KCNH7: variants seen among roughly 807,000 people sequenced by gnomAD.
KCNH7 encodes potassium voltage-gated channel subfamily H member 7.
Under a neutral mutation model 120.8 loss-of-function variants are expected in KCNH7, and 49 were observed. The ratio of observed to expected loss-of-function variants is 0.41; its 90% confidence interval spans 0.32 to 0.51. The LOEUF (loss-of-function observed/expected upper bound fraction) is 0.51, where lower values mean the gene tolerates loss of function less well. KCNH7 is among the 20% of genes least tolerant of loss of function. The pLI, the probability that KCNH7 is intolerant of heterozygous loss-of-function variation, is 0.38. For missense variants in KCNH7, 1,097 were observed against 1,446.6 expected (o/e 0.76, Z 3.92); for synonymous variants, 547 against 516.1 (o/e 1.06, Z -0.81).
At chr2:162,691,770 ACTT>A (rs1370371105) in intron 2 of KCNH7, among the ~76,000 whole-genome samples, 2 of 152,176 alleles carry the variant, frequency 1.3e-5, no homozygotes, top group Admixed American at 6.6e-5. Flanking sequence ...AACCAAGACT[ACTT>A]GCACATAATT....
intron 2 of KCNH7, among the ~76,000 whole-genome samples, chr2:162,708,386 T>C (rs1686793573): frequency 6.6e-6 from 1 of 152,010 alleles, no homozygotes; most frequent in African/African-American, 2.4e-5. Flanking sequence ...GAAAAAAGAA[T>C]TTTTAAAAAT....
intron 2 of KCNH7, among the ~76,000 whole-genome samples, chr2:162,727,519 T>C (rs936455053): frequency 1.3e-5 from 2 of 152,166 alleles, no homozygotes; most frequent in Admixed American, 1.3e-4. Flanking sequence ...CAGACGTTCA[T>C]TGATGTACTT....
intron 6 of KCNH7, among the ~76,000 whole-genome samples, chr2:162,488,196 C>A (rs1389588637): frequency 6.6e-6 from 1 of 152,182 alleles, no homozygotes; most frequent in South Asian, 2.1e-4. Flanking sequence ...CCAAAGCAAC[C>A]AGGCTATTAC....
chr2:162,547,370 A>G (rs1359214580), intron 2 of KCNH7, among the ~76,000 whole-genome samples: 1 of 152,156 alleles, frequency 6.6e-6, no homozygotes, highest in African/African-American at 2.4e-5. Flanking sequence ...GCTGAAGGAG[A>G]GCATGAGCAA....
intron 2 of KCNH7, among the ~76,000 whole-genome samples, chr2:162,659,436 G>A (rs1047795848): frequency 5.3e-5 from 8 of 151,428 alleles, no homozygotes; most frequent in African/African-American, 1.9e-4. Context: ...TTGCTTCCCA[G>A]GTTCAAGCAA....
chr2:162,619,577 A>T (rs1348484440), intron 2 of KCNH7, among the ~76,000 whole-genome samples: 1 of 152,092 alleles, frequency 6.6e-6, no homozygotes, highest in Non-Finnish European at 1.5e-5. Flanking sequence ...GTGACAGCAC[A>T]ACCTGAAAAC....
intron 2 of KCNH7, among the ~76,000 whole-genome samples, chr2:162,827,490 A>G (rs1685328441): frequency 6.6e-6 from 1 of 151,194 alleles, no homozygotes; most frequent in South Asian, 2.1e-4. Flanking sequence ...ATAAGCATAT[A>G]CTAGCTATCC....
At chr2:162,472,854 G>A (rs1238168128) in intron 6 of KCNH7, among the ~76,000 whole-genome samples, 1 of 152,212 alleles carries the variant, frequency 6.6e-6, no homozygotes, top group Non-Finnish European at 1.5e-5. Context: ...GTCCATCAGT[G>A]ATAGACTGGA....
chr2:162,673,252 C>G (rs1482381566), intron 2 of KCNH7, among the ~76,000 whole-genome samples: 1 of 151,956 alleles, frequency 6.6e-6, no homozygotes, highest in Admixed American at 6.6e-5. Flanking sequence ...AGATCAGTAT[C>G]ACTCATGGAT....
intron 2 of KCNH7, among the ~76,000 whole-genome samples, chr2:162,548,615 G>A (rs1476887474): frequency 6.6e-6 from 1 of 152,024 alleles, no homozygotes; most frequent in Admixed American, 6.6e-5. Flanking sequence ...CTGAGTGATA[G>A]GTTATTTGTT....
At chr2:162,458,185 A>G (rs892293029) in intron 6 of KCNH7, among the ~76,000 whole-genome samples, 7 of 151,758 alleles carry the variant, frequency 4.6e-5, no homozygotes, top group African/African-American at 1.7e-4. Context: ...ATTCAGGTTC[A>G]GCTAAGTGTT....
intron 6 of KCNH7, among the ~76,000 whole-genome samples, chr2:162,449,894 T>C (rs1026201049): frequency 6.6e-6 from 1 of 152,028 alleles, no homozygotes; most frequent in Non-Finnish European, 1.5e-5. Flanking sequence ...GAAAATAAAA[T>C]ATTTATAAAA....
intron 2 of KCNH7, among the ~76,000 whole-genome samples, chr2:162,787,858 G>C (rs1683769602): frequency 6.6e-6 from 1 of 152,120 alleles, no homozygotes; most frequent in African/African-American, 2.4e-5. Context: ...AGTGAACCAA[G>C]GCTCCAGGCC....
chr2:162,762,009 C>G (rs780957003), intron 2 of KCNH7, among the ~76,000 whole-genome samples: 1 of 151,870 alleles, frequency 6.6e-6, no homozygotes, highest in Non-Finnish European at 1.5e-5. Flanking sequence ...AGGTGAGTCC[C>G]TCAAGAATGG....
In KCNH7 at chr2:162,518,081, C is replaced by T. The variant is rs1457683303; in HGVS notation, c.541G>A (p.Asp181Asn). ...RKQSLPQEDP[D>N]VVVIDSSKHS... is the part of the protein sequence containing the mutation. Reference sequence around the variant, plus strand: ...TTAGATGAATCGATGACCACCACATCGGGGTCTTCTTGTGGTAAGGACTGC... The same window carrying T: ...TTAGATGAATCGATGACCACCACATTGGGGTCTTCTTGTGGTAAGGACTGC... Residue 181 changes from aspartate (D) to asparagine (N), a missense_variant, in exon 4 of 16, where the codon GAT becomes AAT. Asp to Asn is a conservative substitution (Grantham distance 23, BLOSUM62 1). Around this residue, in one of 8 missense-constraint regions of KCNH7, gnomAD observed 362 missense variants for 372.2 expected, o/e 0.97. Coordinates refer to ENST00000332142, the MANE Select transcript of KCNH7 (RefSeq NM_033272.4). 9 of 1,611,982 alleles carry T rather than the reference C, an allele frequency of 5.6e-6. No individual in the cohort carries two copies. The highest frequency in any genetic ancestry group is 4.5e-5 in the East Asian group (2 of 44,760).
chr2:162,714,051 G>A (rs560867486), intron 2 of KCNH7, among the ~76,000 whole-genome samples: 1 of 152,274 alleles, frequency 6.6e-6, no homozygotes, highest in Admixed American at 6.5e-5. Flanking sequence ...CCTAGCCAAT[G>A]TAGTATTATT....
chr2:162,619,673 T>C lies in KCNH7; in HGVS notation c.308-82593A>G, dbSNP rs151196962. On this transcript the variant is annotated intron_variant, in intron 2 of 15. Transcript: ENST00000332142. ...ATATATCTATCAATGGTGAAAAAAA[T>C]TATCTGTTCTCTTAAGTGTTTGCTG... Among the ~76,000 whole-genome samples the C allele has an allele frequency of 4.4e-3, 676 of 152,090 alleles. 7 individuals carry two copies. Among genetic ancestry groups the C allele is most frequent in the African/African-American group, 0.016 (650 of 41,532 alleles).
intron 2 of KCNH7, among the ~76,000 whole-genome samples, chr2:162,770,985 T>G (rs769358671): frequency 8.5e-5 from 13 of 152,148 alleles, no homozygotes; most frequent in African/African-American, 1.2e-4. Context: ...TTTCTTCCTA[T>G]CCAGGTGATG....
intron 6 of KCNH7, among the ~76,000 whole-genome samples, chr2:162,464,354 A>AT (rs1474725639): frequency 6.6e-6 from 1 of 151,916 alleles, no homozygotes. Context: ...ACATTTTTAG[A>AT]TAAAAACTAC....
Sources: gnomAD v4.1 joint callset for allele counts (sites outside exome capture counted in the v4.1 genomes callset) on GRCh38, gnomAD v4.1.1 for gene constraint, gnomAD v4.1.1 regional missense constraint, MANE v1.5 for transcripts, NCBI Gene and HGNC (gene_info 2026-07-23, HGNC 2026-07-21) for gene names.